The following APP variants were observed in gnomAD, a reference collection of about 807,000 sequenced individuals.
APP encodes the protein amyloid-beta precursor protein.
APP carries 31 observed loss-of-function variants against 101.4 expected under a neutral mutation model. That is an observed-to-expected ratio of 0.31 (90% confidence interval 0.23 to 0.41). The LOEUF is 0.41. Among genes scored for constraint, APP ranks in the 10% least tolerant of loss-of-function variants. APP has a pLI of 1.00. For synonymous variants in APP, 366 were observed against 364.4 expected, an observed-to-expected ratio of 1.00 and a Z score of -0.05; for missense variants, 839 against 1,003.7, an observed-to-expected ratio of 0.84 and a Z score of 2.22.
chr21:25,928,480 C>T (rs772365634), intron 13 of APP, among the ~76,000 whole-genome samples: 14 of 152,098 alleles, frequency 9.2e-5, no homozygotes, highest in Non-Finnish European at 1.9e-4. Context: ...TTTGAGGAAA[C>T]GTACAGTGAA....
chr21:26,049,227 A>C lies in APP; in HGVS notation c.662+1773T>G, dbSNP rs112822613. On this transcript the variant is annotated intron_variant, in intron 5 of 17. Transcript: ENST00000346798. ...AAATGCAAGAAAGGGAGAGGAGATGATTGAGAGTCCAGCAGAACATAATCA... is the reference window on the plus strand; with the variant it reads ...AAATGCAAGAAAGGGAGAGGAGATGCTTGAGAGTCCAGCAGAACATAATCA... Among the ~76,000 whole-genome samples, 933 of 152,246 alleles carry C rather than the reference A, an allele frequency of 6.1e-3. 11 individuals are homozygous for C. The highest frequency in any genetic ancestry group is 0.021 in the African/African-American group (890 of 41,546).
In APP at chr21:25,932,737, G is replaced by GA. The variant is rs111439846; in HGVS notation, c.1688-20776dup. Among the ~76,000 whole-genome samples the GA allele has an allele frequency of 3.0e-3, 411 of 138,514 alleles. 1 individual carries two copies. Among genetic ancestry groups the GA allele is most frequent in the African/African-American group, 7.4e-3 (284 of 38,360 alleles). 90.9% of individuals were successfully genotyped at this position (138,514 alleles called of 152,430 possible). ...AATGTTTCAACTTGAAACTAAAAAA[G>GA]AAAAAAAAAAACACATTTCATCTCA... On this transcript the variant is annotated intron_variant, in intron 13 of 17. Transcript: ENST00000346798.
At chr21:25,898,660 G>C (rs2038239894) in intron 15 of APP, among the ~76,000 whole-genome samples, 3 of 152,116 alleles carry the variant, frequency 2.0e-5, no homozygotes, top group South Asian at 2.1e-4. Flanking sequence ...CATGAAGCCA[G>C]AATCAGCTTC....
Position 26,000,188 on chromosome 21 carries a change from C to A in APP, c.866-6G>T. 6.2e-7 allele frequency: 1 copy of A among 1,614,162 alleles called. No individual in the cohort carries two copies. Among genetic ancestry groups the A allele is most frequent in the South Asian group, 1.1e-5 (1 of 91,080 alleles). On this transcript the variant is annotated splice_region_variant and splice_polypyrimidine_tract_variant and intron_variant, in intron 6 of 17. Transcript: ENST00000346798. ...GGCTTGTTCAGAGCACACCTCTAAT[C>A]AGAGGAGATGTGGGGAACCACATTT...
At chr21:25,978,467 G>A (rs552159873) in intron 9 of APP, among the ~76,000 whole-genome samples, 1 of 152,162 alleles carries the variant, frequency 6.6e-6, no homozygotes, top group Non-Finnish European at 1.5e-5. Flanking sequence ...GTACCAGCTC[G>A]AGGCTATGCA....
At chr21:26,161,241 G>A (rs2063486662) in intron 1 of APP, among the ~76,000 whole-genome samples, 1 of 152,168 alleles carries the variant, frequency 6.6e-6, no homozygotes, top group Admixed American at 6.5e-5. Flanking sequence ...ATCACCCAAA[G>A]TAGATCTTCT....
At chr21:26,150,045 C>T (rs2063232387) in intron 1 of APP, among the ~76,000 whole-genome samples, 1 of 152,062 alleles carries the variant, frequency 6.6e-6, no homozygotes. Context: ...GAGACAGATT[C>T]GCAGGGGAAA....
At chr21:26,111,501 G>A (rs905392042) in intron 2 of APP, among the ~76,000 whole-genome samples, 1 of 152,092 alleles carries the variant, frequency 6.6e-6, no homozygotes, top group Non-Finnish European at 1.5e-5. Flanking sequence ...ACTTTGGGAG[G>A]TCCAGCCAGA....
intron 13 of APP, among the ~76,000 whole-genome samples, chr21:25,951,127 A>G (rs538774309): frequency 7.1e-4 from 14 of 19,736 alleles, no homozygotes; most frequent in African/African-American, 3.0e-3. Context: ...AGGGAAGCAC[A>G]ATGGAAGATA....
chr21:25,885,997 T>G (rs763152869), intron 17 of APP, among the ~76,000 whole-genome samples: 1 of 152,136 alleles, frequency 6.6e-6, no homozygotes. Context: ...CATTTTATTA[T>G]GTACAGTAAC....
At position 25,881,663 on chromosome 21, in the gene APP, C is replaced by CG. The variant is rs1568997888; in HGVS notation, c.*6dup. The CG allele has an allele frequency of 6.2e-7, 1 of 1,613,186 alleles. No homozygotes were observed. The highest frequency in any genetic ancestry group is 1.1e-5 in the South Asian group (1 of 91,042). On this transcript the variant is annotated 3_prime_UTR_variant, in exon 18 of 18. Transcript: ENST00000346798. ...TGTCCAACTTCAGAGGCTGCTGTGGCGGGGGTCTAGTTCTGCATCTGCTCA... is the reference window on the plus strand; with the variant it reads ...TGTCCAACTTCAGAGGCTGCTGTGGCGGGGGGTCTAGTTCTGCATCTGCTCA...
chr21:26,113,183 G>A (rs913903728), intron 1 of APP, among the ~76,000 whole-genome samples: 3 of 152,038 alleles, frequency 2.0e-5, no homozygotes, highest in African/African-American at 7.2e-5. Context: ...CAGCTGCTGG[G>A]GAAATGTGAG....
chr21:26,032,473 T>C (rs1021271164), intron 5 of APP, among the ~76,000 whole-genome samples: 6 of 152,192 alleles, frequency 3.9e-5, no homozygotes, highest in African/African-American at 1.4e-4. Flanking sequence ...TGGGTTTCAT[T>C]CTCAGTGCTG....
At chr21:25,892,387 T>G (rs975085621) in intron 16 of APP, among the ~76,000 whole-genome samples, 1 of 152,180 alleles carries the variant, frequency 6.6e-6, no homozygotes, top group African/African-American at 2.4e-5. Context: ...CTAATTTCCT[T>G]GGAGGGACAC....
At chr21:26,038,121 T>A (rs1436101982) in intron 5 of APP, among the ~76,000 whole-genome samples, 1 of 152,164 alleles carries the variant, frequency 6.6e-6, no homozygotes, top group Non-Finnish European at 1.5e-5. Context: ...AGCAGTTTTC[T>A]AATCATGAGA....
At chr21:25,963,086 T>C (rs2041651452) in intron 11 of APP, among the ~76,000 whole-genome samples, 1 of 152,200 alleles carries the variant, frequency 6.6e-6, no homozygotes, top group Non-Finnish European at 1.5e-5. Context: ...AGTGCTGGGA[T>C]TACAGGCGTG....
intron 1 of APP, among the ~76,000 whole-genome samples, chr21:26,143,936 C>T (rs1210882834): frequency 3.3e-5 from 5 of 152,118 alleles, no homozygotes; most frequent in East Asian, 1.9e-4. Flanking sequence ...TCTGATCTCA[C>T]GCTGCTAATG....
At chr21:26,098,626 T>C (rs1045320112) in intron 2 of APP, among the ~76,000 whole-genome samples, 1 of 152,038 alleles carries the variant, frequency 6.6e-6, no homozygotes, top group Non-Finnish European at 1.5e-5. Flanking sequence ...AAACACAAAA[T>C]CAAACATGGC....
At chr21:25,919,592 G>T in intron 13 of APP, among the ~76,000 whole-genome samples, 1 of 16,222 alleles carries the variant, frequency 6.2e-5, no homozygotes, top group Non-Finnish European at 1.0e-4. Context: ...AGAAGCCTCA[G>T]GAGCCGATGC....
Sources: gnomAD v4.1 joint callset for allele counts (sites outside exome capture counted in the v4.1 genomes callset) on GRCh38, gnomAD v4.1.1 for gene constraint, MANE v1.5 for transcripts, NCBI Gene and HGNC (gene_info 2026-07-23, HGNC 2026-07-21) for gene names.